The following PTPRD variants were observed in gnomAD, a reference collection of about 807,000 sequenced individuals.
PTPRD encodes protein tyrosine phosphatase receptor type D.
In PTPRD, 34 loss-of-function variants were observed where a neutral mutation model predicts 214.5. The observed-to-expected ratio is 0.16, with a 90% CI of 0.12 to 0.21. The LOEUF (loss-of-function observed/expected upper bound fraction) is 0.21, where lower values mean the gene tolerates loss of function less well. Among genes scored for constraint, PTPRD ranks in the 10% least tolerant of loss-of-function variants. The pLI is 1.00. For missense variants in PTPRD, 2,545 were observed against 2,398.7 expected, an observed-to-expected ratio of 1.06 and a Z score of -1.27; for synonymous variants, 1,128 against 845.7, an observed-to-expected ratio of 1.33 and a Z score of -5.79.
intron 12 of PTPRD, among the ~76,000 whole-genome samples, chr9:8,730,490 T>C (rs1163564204): frequency 6.6e-6 from 1 of 152,206 alleles, no homozygotes; most frequent in Non-Finnish European, 1.5e-5. Flanking sequence ...TCAGGTTTAA[T>C]TATAATGACC....
chr9:8,979,893 T>C (rs2099299503), intron 11 of PTPRD, among the ~76,000 whole-genome samples: 1 of 152,076 alleles, frequency 6.6e-6, no homozygotes. Context: ...ATCACCACTT[T>C]GAAAAGATAT....
At chr9:10,338,513 C>A (rs1462265933) in intron 3 of PTPRD, among the ~76,000 whole-genome samples, 1 of 151,674 alleles carries the variant, frequency 6.6e-6, no homozygotes, top group African/African-American at 2.4e-5. Context: ...TCCCAAAACC[C>A]CACAAGGTTG....
rs140803482 is a variant in PTPRD, at chr9:8,897,729, G to T, written c.-104+120968C>A. Among the ~76,000 whole-genome samples, 29 of 152,272 alleles carry T rather than the reference G, an allele frequency of 1.9e-4. No homozygotes were observed. The East Asian group carries it at 5.6e-3, about 29-fold the overall frequency. ...CTCTGGGAATCTGGTAAAGACGTTG[G>T]CAACCTGAGATATGGGGGGCACACA... On this transcript the variant is annotated intron_variant, in intron 11 of 45. Coordinates refer to ENST00000381196, the MANE Select transcript of PTPRD (RefSeq NM_002839.4).
At chr9:8,980,734 C>G (rs868113991) in intron 11 of PTPRD, among the ~76,000 whole-genome samples, 2 of 152,060 alleles carry the variant, frequency 1.3e-5, no homozygotes, top group Admixed American at 6.6e-5. Flanking sequence ...AAATCCCTAC[C>G]TTGAATGATA....
intron 3 of PTPRD, among the ~76,000 whole-genome samples, chr9:10,115,977 T>C (rs561073562): frequency 3.9e-5 from 6 of 152,146 alleles, no homozygotes; most frequent in African/African-American, 7.2e-5. Context: ...TAATTTAAGA[T>C]AGAAAAAAAG....
chr9:8,946,671 TC>T (rs997908085), intron 11 of PTPRD, among the ~76,000 whole-genome samples: 1 of 152,112 alleles, frequency 6.6e-6, no homozygotes, highest in African/African-American at 2.4e-5. Context: ...GAGTGCAGTC[TC>T]TTTGTTTTCT....
chr9:8,358,642 G>C (rs548298393), intron 39 of PTPRD, among the ~76,000 whole-genome samples: 1 of 152,090 alleles, frequency 6.6e-6, no homozygotes, highest in East Asian at 1.9e-4. Flanking sequence ...GTTAATTTCA[G>C]TACTCTTTTT....
At chr9:9,413,518 C>A (rs1374021204) in intron 8 of PTPRD, among the ~76,000 whole-genome samples, 1 of 152,118 alleles carries the variant, frequency 6.6e-6, no homozygotes, top group Admixed American at 6.5e-5. Context: ...ATGGACTATG[C>A]TGTCAGAATT....
At chr9:10,150,099 A>C (rs1047104013) in intron 3 of PTPRD, among the ~76,000 whole-genome samples, 3 of 152,200 alleles carry the variant, frequency 2.0e-5, no homozygotes, top group Non-Finnish European at 2.9e-5. Flanking sequence ...CTGCACACTA[A>C]ATTTTAGAAA....
intron 4 of PTPRD, among the ~76,000 whole-genome samples, chr9:10,008,330 A>G (rs1476372605): frequency 6.6e-6 from 1 of 151,864 alleles, no homozygotes; most frequent in East Asian, 1.9e-4. Flanking sequence ...TGTGTTTTCA[A>G]CCACATTCAA....
At chr9:9,117,194 T>G (rs767900556) in intron 10 of PTPRD, among the ~76,000 whole-genome samples, 8 of 152,114 alleles carry the variant, frequency 5.3e-5, no homozygotes, top group Non-Finnish European at 8.8e-5. Context: ...TAGTATCTTT[T>G]TCCAGCAGAG....
chr9:9,577,271 A>C (rs770742704), intron 7 of PTPRD, among the ~76,000 whole-genome samples: 2 of 152,218 alleles, frequency 1.3e-5, no homozygotes, highest in African/African-American at 2.4e-5. Flanking sequence ...ACATTTAAAA[A>C]GGAAAGCATT....
Position 8,421,762 on chromosome 9 carries a change from A to AG in PTPRD, c.4086+14829dup, listed in dbSNP as rs774089229. On this transcript the variant is annotated intron_variant, in intron 35 of 45. Coordinates refer to ENST00000381196, the MANE Select transcript of PTPRD (RefSeq NM_002839.4). Reference sequence around the variant, plus strand: ...AGAAACACAAATATTCACCAAAGGTAGAAAAAAAAGCCCAGTGGTCTTCTT... The same window carrying AG: ...AGAAACACAAATATTCACCAAAGGTAGGAAAAAAAAGCCCAGTGGTCTTCTT... 5.9e-5 allele frequency among the ~76,000 whole-genome samples: 9 copies of AG among 152,284 alleles called. No homozygotes were observed. The East Asian group carries it at 1.7e-3, about 29-fold the overall frequency.
At chr9:10,256,803 T>A (rs2093318444) in intron 3 of PTPRD, among the ~76,000 whole-genome samples, 2 of 152,176 alleles carry the variant, frequency 1.3e-5, no homozygotes, top group African/African-American at 2.4e-5. Context: ...TCCTGCCACA[T>A]CATCTTTGCA....
chr9:9,214,746 AATATTC>A (rs2099951025), intron 9 of PTPRD, among the ~76,000 whole-genome samples: 1 of 152,306 alleles, frequency 6.6e-6, no homozygotes, highest in South Asian at 2.1e-4. Context: ...TTATAAAAAT[AATATTC>A]ATACGTACAT....
At chr9:8,500,572 A>G (rs2097376662) in intron 24 of PTPRD, among the ~76,000 whole-genome samples, 182 bp downstream of exon 24, 3 of 144,262 alleles carry the variant, frequency 2.1e-5, no homozygotes, top group Admixed American at 6.9e-5. Context: ...AAAAAAAAAA[A>G]AAAAAAAAAA....
intron 5 of PTPRD, among the ~76,000 whole-genome samples, chr9:9,805,785 T>TGATCAG (rs2099069390): frequency 6.6e-6 from 1 of 152,162 alleles, no homozygotes; most frequent in Non-Finnish European, 1.5e-5. Flanking sequence ...AGCGTCTTGC[T>TGATCAG]TAAGAACATT....
intron 12 of PTPRD, among the ~76,000 whole-genome samples, chr9:8,728,435 T>A (rs12004150): frequency 0.085 from 12,957 of 152,194 alleles, 1,704 homozygotes; most frequent in African/African-American, 0.28. Flanking sequence ...TGTCCTCAAA[T>A]GATCCTCCTG....
intron 11 of PTPRD, among the ~76,000 whole-genome samples, chr9:8,850,181 TTTCCCAGTCATGTAACA>T (rs1341123336): frequency 6.6e-6 from 1 of 152,074 alleles, no homozygotes; most frequent in Non-Finnish European, 1.5e-5. Flanking sequence ...GAGCCTCCCA[TTTCCCAGTCATGTAACA>T]AGCAGATAGA....
Sources: allele counts gnomAD v4.1 joint callset (sites outside exome capture counted in the v4.1 genomes callset), GRCh38; gene constraint gnomAD v4.1.1; transcripts MANE v1.5; gene names NCBI Gene and HGNC (gene_info 2026-07-23, HGNC 2026-07-21).